KATNAL2: variants seen among roughly 807,000 people sequenced by gnomAD.
KATNAL2 encodes the protein katanin catalytic subunit A1 like 2.
KATNAL2 carries 52 observed loss-of-function variants against 76.3 expected under a neutral mutation model. The observed-to-expected ratio is 0.68, with a 90% confidence interval of 0.55 to 0.86. The LOEUF (loss-of-function observed/expected upper bound fraction) is 0.86, where lower values mean the gene tolerates loss of function less well. KATNAL2 is among the 40% of genes least tolerant of loss of function. KATNAL2 has a pLI of 0.00. For synonymous variants in KATNAL2, 243 were observed against 244.2 expected (o/e 1.00, Z 0.05); for missense variants, 660 against 668.9 (o/e 0.99, Z 0.15).
chr18:47,058,304 G>T lies in KATNAL2; in HGVS notation c.402G>T (p.Ala134=). The change falls in exon 7 of 18, where the codon GCG becomes GCT. Residue 134 remains alanine (A), a synonymous_variant. Coordinates refer to ENST00000683218, the MANE Select transcript of KATNAL2 (RefSeq NM_001387690.1). Reference sequence around the variant, plus strand: ...AGAGGCCCCGGTCCAAAACCACAGCGGGGAAGACAGGGGACACCAAATCGC... The same window carrying T: ...AGAGGCCCCGGTCCAAAACCACAGCTGGGAAGACAGGGGACACCAAATCGC... The part of the protein sequence containing the change: ...NQQRPRSKTT[A]GKTGDTKSLN... 1 of 1,613,990 alleles carries T rather than the reference G, an allele frequency of 6.2e-7. No homozygotes were observed. The highest frequency in any genetic ancestry group is 8.5e-7 in the Non-Finnish European group (1 of 1,179,902).
intron 3 of KATNAL2, among the ~76,000 whole-genome samples, chr18:46,960,780 C>A (rs2059913982): frequency 6.6e-6 from 1 of 152,170 alleles, no homozygotes; most frequent in African/African-American, 2.4e-5. Context: ...TATCCCTTAC[C>A]TAACAAAGCT....
intron 13 of KATNAL2, among the ~76,000 whole-genome samples, chr18:47,073,113 A>G (rs1195492005): frequency 6.6e-6 from 1 of 152,200 alleles, no homozygotes; most frequent in African/African-American, 2.4e-5. Context: ...ACTCGCTTAC[A>G]GTCCCATCAA....
chr18:46,925,483 C>T (rs552504476), intron 1 of KATNAL2, among the ~76,000 whole-genome samples: 1 of 152,254 alleles, frequency 6.6e-6, no homozygotes, highest in South Asian at 2.1e-4. Context: ...ATTCGGTTTG[C>T]CAGTATTTTA....
In KATNAL2 at chr18:47,033,533, C is replaced by G. The variant is rs144819955; in HGVS notation, c.52-12924C>G. 3.4e-4 allele frequency: 542 copies of G among 1,614,042 alleles called. No homozygotes were observed. Among genetic ancestry groups the G allele is most frequent in the Non-Finnish European group, 4.4e-4 (516 of 1,180,048 alleles). ...CTCCGTAATTCGTCTGTCTCTCTAACGAGTGCGTGATTGTCTTTCTTTCTG... is the reference window on the plus strand; with the variant it reads ...CTCCGTAATTCGTCTGTCTCTCTAAGGAGTGCGTGATTGTCTTTCTTTCTG... On this transcript the variant is annotated intron_variant, in intron 3 of 17. Coordinates refer to ENST00000683218, the MANE Select transcript of KATNAL2 (RefSeq NM_001387690.1).
intron 15 of KATNAL2, among the ~76,000 whole-genome samples, chr18:47,096,237 G>A (rs2063229494): frequency 6.6e-6 from 1 of 152,156 alleles, no homozygotes; most frequent in African/African-American, 2.4e-5. Context: ...CATAGATTCA[G>A]AATGAGAATA....
Position 47,075,316 on chromosome 18 carries a change from A to T in KATNAL2, c.1048A>T (p.Ile350Phe), listed in dbSNP as rs755765200. 3 of 1,561,656 alleles carry T rather than the reference A, an allele frequency of 1.9e-6. No individual in the cohort carries two copies. Among genetic ancestry groups the T allele is most frequent in the Admixed American group, 4.0e-5 (2 of 49,984 alleles). ...TGCCCGCTACCACGCCCCATCCACG[A>T]TCTTCCTGGACGAGCTGGAGTCGGT... ...ELARYHAPST[I>F]FLDELESVMS... Residue 350 changes from isoleucine to phenylalanine, a missense_variant, in exon 14 of 18, where the codon ATC becomes TTC. Physicochemically the swap from Ile to Phe is conservative, Grantham distance 21. Transcript: ENST00000683218.
intron 6 of KATNAL2, among the ~76,000 whole-genome samples, chr18:47,055,557 A>G (rs964034746): frequency 2.6e-5 from 4 of 152,206 alleles, no homozygotes; most frequent in South Asian, 4.1e-4. Flanking sequence ...ACTTGTTATA[A>G]TACTTGGCCT....
At chr18:47,075,918 G>C (rs1022599985) in intron 14 of KATNAL2, among the ~76,000 whole-genome samples, 3 of 152,228 alleles carry the variant, frequency 2.0e-5, no homozygotes, top group Admixed American at 2.0e-4. Context: ...AATATCCTCA[G>C]CAGGCAGGAA....
At chr18:47,054,511 C>A in intron 6 of KATNAL2, 73 bp downstream of exon 6, 1 of 1,407,892 alleles carries the variant, frequency 7.1e-7, no homozygotes, top group Non-Finnish European at 1.0e-6. Flanking sequence ...AGAAGCTTTA[C>A]CATCACAGCT....
intron 5 of KATNAL2, 136 bp from the exon 6 acceptor site, chr18:47,054,260 C>G (rs2061411873): frequency 1.3e-6 from 1 of 742,116 alleles, no homozygotes; most frequent in Non-Finnish European, 2.3e-6. Flanking sequence ...ATGAGAATAG[C>G]TTAAAGTCTC....
chr18:47,060,245 T>C (rs1312658211), intron 8 of KATNAL2, among the ~76,000 whole-genome samples: 1 of 152,152 alleles, frequency 6.6e-6, no homozygotes, highest in African/African-American at 2.4e-5. Flanking sequence ...AATCCTCCTG[T>C]CTGGGCTTCC....
chr18:46,946,859 T>G lies in KATNAL2; in HGVS notation c.-14T>G. ...TACTTTTCTCCCTTCTCTAGGGTCCTAGCACAGTGTCTGATGGAGCTTTCC... is the reference window on the plus strand; with the variant it reads ...TACTTTTCTCCCTTCTCTAGGGTCCGAGCACAGTGTCTGATGGAGCTTTCC... On this transcript the variant is annotated 5_prime_UTR_variant, in exon 3 of 18. Transcript: ENST00000683218. The G allele has an allele frequency of 6.5e-7, 1 of 1,535,696 alleles. No homozygotes were observed. The highest frequency in any genetic ancestry group is 8.7e-7 in the Non-Finnish European group (1 of 1,146,612).
chr18:47,077,924 C>T (rs1433479376), intron 15 of KATNAL2, among the ~76,000 whole-genome samples: 1 of 152,066 alleles, frequency 6.6e-6, no homozygotes, highest in Non-Finnish European at 1.5e-5. Context: ...GTAATCTACT[C>T]TCAGAGTCTT....
At chr18:46,955,936 T>C (rs1368793227) in intron 3 of KATNAL2, among the ~76,000 whole-genome samples, 2 of 152,170 alleles carry the variant, frequency 1.3e-5, no homozygotes, top group Non-Finnish European at 2.9e-5. Flanking sequence ...AAGAACACTT[T>C]TTATTTAGAT....
rs1304431118 is a variant in KATNAL2 at position 46,924,913 on chromosome 18, G to A, written c.-510+6987G>A. On this transcript the variant is annotated intron_variant, in intron 1 of 17. Coordinates refer to ENST00000683218, the MANE Select transcript of KATNAL2 (RefSeq NM_001387690.1). Reference sequence around the variant, plus strand: ...GTTATTGGTGTATAAGAATGCTTGCGATTTTTGTACATTGATTTTGTATCC... The same window carrying A: ...GTTATTGGTGTATAAGAATGCTTGCAATTTTTGTACATTGATTTTGTATCC... 4.6e-5 allele frequency among the ~76,000 whole-genome samples: 7 copies of A among 152,286 alleles called. No homozygotes were observed. The East Asian group carries it at 5.8e-4, about 13-fold the overall frequency.
Position 47,031,332 on chromosome 18 carries a change from T to G in KATNAL2, c.52-15125T>G, listed in dbSNP as rs538510896. Among the ~76,000 whole-genome samples the G allele has an allele frequency of 3.9e-4, 59 of 152,224 alleles. 1 individual carries two copies. The highest frequency in any genetic ancestry group is 1.3e-3 in the African/African-American group (52 of 41,534). On this transcript the variant is annotated intron_variant, in intron 3 of 17. Transcript: ENST00000683218. ...GAGGAAAACAGATCCATTTGAAATATGTATGTTTTCGGCTTTTGTTTCTGC... is the reference window on the plus strand; with the variant it reads ...GAGGAAAACAGATCCATTTGAAATAGGTATGTTTTCGGCTTTTGTTTCTGC...
At chr18:46,946,810 C>G (rs1424319678) in intron 2 of KATNAL2, 44 bp from the exon 3 acceptor site, 1 of 1,492,636 alleles carries the variant, frequency 6.7e-7, no homozygotes, top group East Asian at 2.5e-5. Flanking sequence ...TTCCTTGGAT[C>G]GACCGGTCAG....
intron 6 of KATNAL2, 75 bp from the exon 7 acceptor site, chr18:47,058,160 T>G: frequency 1.0e-6 from 1 of 1,002,316 alleles, no homozygotes; most frequent in Non-Finnish European, 1.6e-6. Flanking sequence ...GTGCTATTCT[T>G]AAGAATAGTT....
intron 3 of KATNAL2, among the ~76,000 whole-genome samples, chr18:46,959,133 C>T (rs1262831295): frequency 6.6e-6 from 1 of 152,208 alleles, no homozygotes; most frequent in Non-Finnish European, 1.5e-5. Context: ...GCTTATTAAA[C>T]TTCAAATGTT....
Sources: gnomAD v4.1 joint callset for allele counts (sites outside exome capture counted in the v4.1 genomes callset) on GRCh38, gnomAD v4.1.1 for gene constraint, MANE v1.5 for transcripts, NCBI Gene and HGNC (gene_info 2026-07-23, HGNC 2026-07-21) for gene names.